Variants in PCDH15 observed in about 807,000 individuals in gnomAD.
PCDH15 encodes the protein protocadherin related 15, also known as protocadherin-15.
PCDH15 carries 129 observed loss-of-function variants against 178.5 expected under a neutral mutation model. The observed-to-expected ratio is 0.72, with a 90% confidence interval of 0.63 to 0.84. PCDH15 has a LOEUF of 0.84. PCDH15 is among the 40% of genes least tolerant of loss of function. The pLI, the probability that PCDH15 is intolerant of heterozygous loss-of-function variation, is 0.00. For synonymous variants in PCDH15, 800 were observed against 732.0 expected (o/e 1.09, Z -1.50); for missense variants, 2,230 against 2,099.9 (o/e 1.06, Z -1.21).
intron 26 of PCDH15, among the ~76,000 whole-genome samples, chr10:53,869,779 G>GA (rs992303654): frequency 5.1e-4 from 75 of 146,186 alleles, no homozygotes; most frequent in African/African-American, 1.4e-3. Flanking sequence ...CTTATCTCTT[G>GA]AAAAAAAAAA....
chr10:54,468,986 G>C (rs990005270), intron 3 of PCDH15, among the ~76,000 whole-genome samples: 5 of 151,866 alleles, frequency 3.3e-5, no homozygotes, highest in African/African-American at 7.3e-5. Flanking sequence ...GCTTCCATTT[G>C]CATGGAATAT....
At chr10:55,368,165 T>G (rs1845413034) in intron 2 of PCDH15, among the ~76,000 whole-genome samples, 2 of 152,168 alleles carry the variant, frequency 1.3e-5, no homozygotes, top group Admixed American at 1.3e-4. Flanking sequence ...TCATTCTCTC[T>G]CACTCTCCAT....
intron 2 of PCDH15, chr10:54,528,481 T>C: frequency 3.7e-6 from 4 of 1,086,788 alleles, no homozygotes; most frequent in Non-Finnish European, 5.4e-6. Context: ...AATATATGTA[T>C]ATATTTAGTG....
intron 1 of PCDH15, among the ~76,000 whole-genome samples, chr10:54,712,840 A>T (rs557867428): frequency 6.6e-6 from 1 of 152,034 alleles, no homozygotes; most frequent in Admixed American, 6.6e-5. Context: ...CTAAATTTTA[A>T]TTATCATAAT....
intron 3 of PCDH15, among the ~76,000 whole-genome samples, chr10:54,460,683 A>G (rs779704303): frequency 1.3e-5 from 2 of 152,114 alleles, no homozygotes; most frequent in Non-Finnish European, 2.9e-5. Context: ...AAGGCATCAG[A>G]AATAACTTTC....
chr10:54,747,291 A>C (rs1333642038), intron 1 of PCDH15, among the ~76,000 whole-genome samples: 1 of 152,190 alleles, frequency 6.6e-6, no homozygotes, highest in East Asian at 1.9e-4. Flanking sequence ...GATCATTCTA[A>C]TCACAGCAGT....
intron 2 of PCDH15, among the ~76,000 whole-genome samples, chr10:55,546,076 G>C (rs1212141929): frequency 2.0e-5 from 3 of 151,982 alleles, no homozygotes; most frequent in Non-Finnish European, 4.4e-5. Flanking sequence ...TGAATGTAAA[G>C]ATATACAAGA....
chr10:55,104,488 TGG>T (rs1275299461), intron 2 of PCDH15, among the ~76,000 whole-genome samples: 1 of 152,164 alleles, frequency 6.6e-6, no homozygotes, highest in Non-Finnish European at 1.5e-5. Context: ...TTTGAGTCCA[TGG>T]GTATGCTTTT....
intron 2 of PCDH15, among the ~76,000 whole-genome samples, chr10:55,490,313 A>C (rs1840383571): frequency 6.6e-6 from 1 of 151,778 alleles, no homozygotes; most frequent in Admixed American, 6.6e-5. Context: ...GGAAGCTATA[A>C]AGAGACAGAG....
intron 25 of PCDH15, chr10:53,905,178 CTGT>C (rs1442954640): frequency 1.9e-6 from 1 of 518,910 alleles, no homozygotes; most frequent in Non-Finnish European, 3.8e-6. Flanking sequence ...ATACTTAAGT[CTGT>C]TGTTGTCTCA....
intron 2 of PCDH15, among the ~76,000 whole-genome samples, chr10:55,437,870 T>C (rs1839082852): frequency 7.0e-6 from 1 of 143,212 alleles, no homozygotes; most frequent in South Asian, 2.3e-4. Flanking sequence ...GGAGTTTTGC[T>C]CTTGTTTCCC....
At chr10:54,615,479 A>C (rs899155068) in intron 2 of PCDH15, among the ~76,000 whole-genome samples, 3 of 152,146 alleles carry the variant, frequency 2.0e-5, no homozygotes, top group African/African-American at 7.2e-5. Flanking sequence ...TAAATGGATT[A>C]GAATTTTGCA....
intron 1 of PCDH15, among the ~76,000 whole-genome samples, chr10:55,307,139 G>A (rs535144042): frequency 8.6e-5 from 13 of 151,574 alleles, no homozygotes; most frequent in Middle Eastern, 3.4e-3. Flanking sequence ...ATTCTTATTG[G>A]AAATATCAGA....
intron 1 of PCDH15, among the ~76,000 whole-genome samples, chr10:55,268,388 A>T (rs1028519228): frequency 3.9e-5 from 6 of 152,168 alleles, no homozygotes; most frequent in Non-Finnish European, 7.4e-5. Flanking sequence ...TATTTTTAAC[A>T]TACAGATTTA....
At chr10:53,837,280 G>A (rs1589020127) in intron 29 of PCDH15, among the ~76,000 whole-genome samples, 1 of 152,046 alleles carries the variant, frequency 6.6e-6, no homozygotes, top group South Asian at 2.1e-4. Context: ...AAAAAATGCA[G>A]CTCCAAAGAG....
At chr10:54,705,431 A>C (rs2095355868) in intron 1 of PCDH15, among the ~76,000 whole-genome samples, 1 of 152,144 alleles carries the variant, frequency 6.6e-6, no homozygotes, top group South Asian at 2.1e-4. Context: ...CTGGGTTCAA[A>C]TTATGGCTCC....
At chr10:53,902,225 G>A (rs2926411) in intron 26 of PCDH15, among the ~76,000 whole-genome samples, 78,092 of 151,914 alleles carry the variant, frequency 0.51, 21,416 homozygotes, top group Middle Eastern at 0.69. Flanking sequence ...ATTCAGGTCA[G>A]GGGTCTGTAC....
At chr10:55,373,324 C>G (rs1485922546) in intron 2 of PCDH15, among the ~76,000 whole-genome samples, 1 of 152,094 alleles carries the variant, frequency 6.6e-6, no homozygotes, top group South Asian at 2.1e-4. Flanking sequence ...ACAAGGTGAA[C>G]TACTTAGCTG....
At chr10:54,431,779 C>T (rs146997167) in intron 3 of PCDH15, among the ~76,000 whole-genome samples, 10 of 152,072 alleles carry the variant, frequency 6.6e-5, no homozygotes, top group Middle Eastern at 3.4e-3. Flanking sequence ...GAGAAAGAAA[C>T]AAAGAGCACC....
Sources: gnomAD v4.1 joint callset for allele counts (sites outside exome capture counted in the v4.1 genomes callset) on GRCh38, gnomAD v4.1.1 for gene constraint, MANE v1.5 for transcripts, NCBI Gene and HGNC (gene_info 2026-07-23, HGNC 2026-07-21) for gene names.